FHIT: variants seen among roughly 807,000 people sequenced by gnomAD.
FHIT encodes fragile histidine triad diadenosine triphosphatase, also known as bis(5'-adenosyl)-triphosphatase.
FHIT carries 19 observed loss-of-function variants against 17.9 expected under a neutral mutation model. The ratio of observed to expected loss-of-function variants is 1.06; its 90% CI spans 0.74 to 1.56. The LOEUF (loss-of-function observed/expected upper bound fraction) is 1.56, where lower values mean the gene tolerates loss of function less well. Among genes scored for constraint, FHIT ranks in the 40% most tolerant of loss-of-function variants. The probability of loss-of-function intolerance (pLI) is 0.00; values close to 1 mark genes in which losing one functional copy is unlikely to be tolerated. For missense variants in FHIT, 248 were observed against 189.2 expected (o/e 1.31, Z -1.82); for synonymous variants, 81 against 69.7 (o/e 1.16, Z -0.81).
At chr3:60,373,069 G>A (rs1700400436) in intron 5 of FHIT, among the ~76,000 whole-genome samples, 1 of 152,146 alleles carries the variant, frequency 6.6e-6, no homozygotes, top group Non-Finnish European at 1.5e-5. Context: ...ATGTTTTTAT[G>A]TGCCAGACAA....
intron 5 of FHIT, among the ~76,000 whole-genome samples, chr3:60,310,789 G>A (rs1385228746): frequency 6.6e-6 from 1 of 152,004 alleles, no homozygotes; most frequent in Non-Finnish European, 1.5e-5. Flanking sequence ...TATCTACATG[G>A]TCCAAGAATT....
chr3:60,366,597 T>C (rs1380598361), intron 5 of FHIT, among the ~76,000 whole-genome samples: 1 of 152,150 alleles, frequency 6.6e-6, no homozygotes, highest in African/African-American at 2.4e-5. Flanking sequence ...CATGGGAGTA[T>C]GTTAGTGATG....
intron 5 of FHIT, among the ~76,000 whole-genome samples, chr3:60,234,385 CTG>C (rs761162704): frequency 3.3e-5 from 5 of 152,062 alleles, no homozygotes; most frequent in Non-Finnish European, 5.9e-5. Context: ...TAATTAATAC[CTG>C]TGAGTTTTCT....
intron 3 of FHIT, among the ~76,000 whole-genome samples, chr3:60,999,421 T>A (rs1389132614): frequency 6.6e-6 from 1 of 151,018 alleles, no homozygotes; most frequent in East Asian, 1.9e-4. Context: ...GAGAAATGCA[T>A]AACATCCCAG....
chr3:60,542,506 CTTCCTT>C (rs761026397), intron 4 of FHIT, among the ~76,000 whole-genome samples: 3 of 152,142 alleles, frequency 2.0e-5, no homozygotes, highest in Non-Finnish European at 4.4e-5. Context: ...AATGGCGTCT[CTTCCTT>C]TTACTTCATT....
intron 4 of FHIT, among the ~76,000 whole-genome samples, chr3:60,704,442 C>T (rs1223977789): frequency 6.6e-6 from 1 of 152,136 alleles, no homozygotes. Flanking sequence ...TTCTCTACAG[C>T]TCTCCCAGAC....
chr3:60,415,440 G>C (rs867761672), intron 5 of FHIT, among the ~76,000 whole-genome samples: 17 of 152,176 alleles, frequency 1.1e-4, no homozygotes, highest in Middle Eastern at 3.4e-3. Flanking sequence ...GTGAAGCTAC[G>C]ACAATCATTA....
intron 5 of FHIT, among the ~76,000 whole-genome samples, chr3:60,451,172 C>T (rs1180535842): frequency 1.3e-5 from 2 of 151,736 alleles, no homozygotes; most frequent in Non-Finnish European, 1.5e-5. Context: ...TTTTTTTTAA[C>T]CATTTTATCA....
intron 3 of FHIT, among the ~76,000 whole-genome samples, chr3:60,938,903 A>G (rs759300629): frequency 6.6e-5 from 10 of 152,200 alleles, no homozygotes; most frequent in Non-Finnish European, 1.5e-4. Flanking sequence ...TTCTCATTGC[A>G]GGTTAAAATA....
At chr3:60,571,406 A>T (rs2037379900) in intron 4 of FHIT, among the ~76,000 whole-genome samples, 1 of 151,634 alleles carries the variant, frequency 6.6e-6, no homozygotes, top group Admixed American at 6.6e-5. Context: ...TCAAGAAAAA[A>T]AATTGCCATC....
intron 2 of FHIT, among the ~76,000 whole-genome samples, chr3:61,130,101 G>C (rs1409567565): frequency 6.6e-6 from 1 of 152,080 alleles, no homozygotes; most frequent in African/African-American, 2.4e-5. Flanking sequence ...TCCTCAAAAA[G>C]ACCAGAGTCT....
chr3:61,214,042 C>G (rs148356310), intron 1 of FHIT, among the ~76,000 whole-genome samples: 2,879 of 152,158 alleles, frequency 0.019, 83 homozygotes, highest in African/African-American at 0.065. Context: ...TAAATGCCCA[C>G]AAAAGAAAGC....
chr3:60,564,354 T>A (rs1178796971), intron 4 of FHIT, among the ~76,000 whole-genome samples: 1 of 152,218 alleles, frequency 6.6e-6, no homozygotes, highest in Non-Finnish European at 1.5e-5. Flanking sequence ...GAGATGAATG[T>A]TGTTTTCACA....
At chr3:59,916,299 T>C (rs1018458552) in intron 8 of FHIT, among the ~76,000 whole-genome samples, 71 of 152,224 alleles carry the variant, frequency 4.7e-4, no homozygotes, top group African/African-American at 1.6e-3. Context: ...CTTATACCAG[T>C]GGTTTGCCAG....
intron 5 of FHIT, among the ~76,000 whole-genome samples, chr3:60,055,560 A>G (rs1702048447): frequency 6.6e-6 from 1 of 152,160 alleles, no homozygotes. Context: ...TGCACCAAGA[A>G]AAACTGTATT....
At chr3:60,883,885 A>AT (rs1215259025) in intron 3 of FHIT, among the ~76,000 whole-genome samples, 2 of 152,174 alleles carry the variant, frequency 1.3e-5, no homozygotes, top group African/African-American at 4.8e-5. Context: ...GCTAAAAAGC[A>AT]TCTGTACAGC....
intron 8 of FHIT, among the ~76,000 whole-genome samples, chr3:59,901,907 A>G (rs7643511): frequency 0.059 from 9,042 of 152,270 alleles, 613 homozygotes; most frequent in African/African-American, 0.17. Context: ...CAAATGATGA[A>G]CAGATAAGTA....
chr3:59,809,062 T>C (rs1664216280), intron 8 of FHIT, among the ~76,000 whole-genome samples: 1 of 152,218 alleles, frequency 6.6e-6, no homozygotes, highest in Admixed American at 6.5e-5. Flanking sequence ...CCCAGCTTTG[T>C]GTCTAGGGCT....
At chr3:60,108,742 C>A (rs1040349611) in intron 5 of FHIT, among the ~76,000 whole-genome samples, 2 of 151,676 alleles carry the variant, frequency 1.3e-5, no homozygotes, top group African/African-American at 4.9e-5. Flanking sequence ...CAGCTCACCA[C>A]AACCTCCACC....
Sources: gnomAD v4.1 joint callset for allele counts (sites outside exome capture counted in the v4.1 genomes callset) on GRCh38, gnomAD v4.1.1 for gene constraint, MANE v1.5 for transcripts, NCBI Gene and HGNC (gene_info 2026-07-23, HGNC 2026-07-21) for gene names.